The following ANKRD27 variants were observed in gnomAD, a reference collection of about 807,000 sequenced individuals.
The protein encoded by ANKRD27 is ankyrin repeat domain-containing protein 27.
ANKRD27 carries 112 observed loss-of-function variants against 129.7 expected under a neutral mutation model. That is an observed-to-expected ratio of 0.86 (90% CI 0.74 to 1.01). ANKRD27 has a LOEUF of 1.01. Ranked by LOEUF, ANKRD27 falls within the 50% of genes least tolerant of loss-of-function variation. The probability of loss-of-function intolerance (pLI) is 0.00; values close to 1 mark genes in which losing one functional copy is unlikely to be tolerated. For missense variants in ANKRD27, 1,258 were observed against 1,300.5 expected (o/e 0.97, Z 0.50); for synonymous variants, 516 against 511.2 (o/e 1.01, Z -0.13).
At chr19:32,643,992 G>A (rs959493555) in intron 5 of ANKRD27, among the ~76,000 whole-genome samples, 3 of 151,712 alleles carry the variant, frequency 2.0e-5, no homozygotes, top group African/African-American at 7.3e-5. Context: ...CTCCCACCTC[G>A]GCCTCCCAAG....
chr19:32,673,844 G>A (rs769849475), intron 1 of ANKRD27, among the ~76,000 whole-genome samples: 22 of 152,058 alleles, frequency 1.4e-4, no homozygotes, highest in Non-Finnish European at 2.8e-4. Context: ...GGCTGATCTC[G>A]AAACGTAACA....
At chr19:32,616,141 G>A (rs913464654) in intron 21 of ANKRD27, among the ~76,000 whole-genome samples, 15 of 152,106 alleles carry the variant, frequency 9.9e-5, no homozygotes, top group African/African-American at 3.6e-4. Flanking sequence ...CAAGGCTACT[G>A]TGAGCCATGA....
At chr19:32,625,232 G>C (rs12610727) in intron 17 of ANKRD27, among the ~76,000 whole-genome samples, 84,500 of 151,836 alleles carry the variant, frequency 0.56, 24,147 homozygotes, top group Non-Finnish European at 0.64. Context: ...CTCCAGCCTA[G>C]GTGCCAGAGT....
At chr19:32,616,913 C>T (rs368221541) in intron 21 of ANKRD27, among the ~76,000 whole-genome samples, 3 of 152,134 alleles carry the variant, frequency 2.0e-5, no homozygotes, top group Admixed American at 6.5e-5. Context: ...AAGACGCTGC[C>T]CTCTCTTAAA....
At chr19:32,656,860 G>A (rs1377222050) in intron 2 of ANKRD27, among the ~76,000 whole-genome samples, 1 of 151,800 alleles carries the variant, frequency 6.6e-6, no homozygotes, top group Non-Finnish European at 1.5e-5. Flanking sequence ...AAAGTATCTT[G>A]TATACAGCAG....
intron 2 of ANKRD27, among the ~76,000 whole-genome samples, chr19:32,653,419 C>T (rs1020817273): frequency 6.6e-6 from 1 of 152,150 alleles, no homozygotes; most frequent in African/African-American, 2.4e-5. Flanking sequence ...TCTCCTGGTG[C>T]ACCTGGGAAA....
At chr19:32,640,569 A>C (rs1047585772) in intron 10 of ANKRD27, among the ~76,000 whole-genome samples, 184 bp from the exon 11 acceptor site, 2 of 152,214 alleles carry the variant, frequency 1.3e-5, no homozygotes, top group African/African-American at 4.8e-5. Context: ...CAGGGGGAAA[A>C]GAATGCCCAG....
chr19:32,673,367 C>A lies in ANKRD27; in HGVS notation c.-31+1704G>T, dbSNP rs1335842814. 3 of 985,190 alleles carry A rather than the reference C, an allele frequency of 3.0e-6. No homozygotes were observed. In the African/African-American group the frequency reaches 5.2e-5, roughly 17 times the overall value. 61.0% of individuals were successfully genotyped at this position (985,190 alleles called of 1,614,324 possible). A position where few individuals can be genotyped will look rare whatever the true frequency, so the allele number is the denominator to read the frequency against. ...CTACGGGCTGTGCCTCCTGGATCTG[C>A]CCCCTGGATTTCACTCACGCCTGTC... On this transcript the variant is annotated intron_variant, in intron 1 of 28. Coordinates refer to ENST00000306065, the MANE Select transcript of ANKRD27 (RefSeq NM_032139.3).
chr19:32,656,018 A>T (rs1349464892), intron 2 of ANKRD27, among the ~76,000 whole-genome samples: 1 of 141,364 alleles, frequency 7.1e-6, no homozygotes, highest in Admixed American at 7.3e-5. Context: ...ACTCTGTTTC[A>T]AAAAAAAAAG....
Position 32,652,089 on chromosome 19 carries a change from G to A in ANKRD27, c.103-2297C>T, listed in dbSNP as rs565210579. On this transcript the variant is annotated intron_variant, in intron 2 of 28. Coordinates refer to ENST00000306065, the MANE Select transcript of ANKRD27 (RefSeq NM_032139.3). Reference sequence around the variant, plus strand: ...ATAGGGGGTAGAGAGCTAGGCCAACGGCCTCCAGGCTATCCCTTAGGGGGC... The same window carrying A: ...ATAGGGGGTAGAGAGCTAGGCCAACAGCCTCCAGGCTATCCCTTAGGGGGC... Among the ~76,000 whole-genome samples, 6 of 152,338 alleles carry A rather than the reference G, an allele frequency of 3.9e-5. No homozygotes were observed. The South Asian group carries it at 6.2e-4, about 16-fold the overall frequency.
intron 2 of ANKRD27, 53 bp from the exon 3 acceptor site, chr19:32,649,845 A>G: frequency 8.2e-7 from 1 of 1,215,874 alleles, no homozygotes; most frequent in Non-Finnish European, 1.2e-6. Context: ...TTACCACCTC[A>G]GCAGAACAAG....
chr19:32,610,957 G>A (rs1971826685), intron 22 of ANKRD27, among the ~76,000 whole-genome samples: 2 of 151,860 alleles, frequency 1.3e-5, no homozygotes, highest in African/African-American at 4.8e-5. Flanking sequence ...CTCCAGCCTG[G>A]GTGACAGAGT....
rs1273420535 is a variant in ANKRD27 at position 32,607,824 on chromosome 19, C to T, written c.2184G>A (p.Ala728=). The T allele has an allele frequency of 5.0e-6, 8 of 1,599,812 alleles. No individual in the cohort carries two copies. Among genetic ancestry groups the T allele is most frequent in the Non-Finnish European group, 6.8e-6 (8 of 1,174,602 alleles). The part of the protein sequence containing the change: ...PKCAPAQKRL[A]KVPASGLGVN... ...CACCAAGCCCACTGGCAGGAACCTT[C>T]GCCAGCCTCTGGGAAGCGCAGAAGA... The change falls in exon 23 of 29, where the codon GCG becomes GCA. Residue 728 remains alanine (A), a synonymous_variant. Coordinates refer to ENST00000306065, the MANE Select transcript of ANKRD27 (RefSeq NM_032139.3).
chr19:32,642,209 T>A (rs1239515036), intron 9 of ANKRD27, 64 bp from the exon 10 acceptor site: 13 of 1,343,952 alleles, frequency 9.7e-6, no homozygotes, highest in South Asian at 5.9e-5. Context: ...GGCCTGGATC[T>A]AAGAACACAT....
intron 12 of ANKRD27, among the ~76,000 whole-genome samples, chr19:32,632,261 C>G (rs1967007710): frequency 6.6e-6 from 1 of 151,694 alleles, no homozygotes. Context: ...TGCACTCTAG[C>G]CTGGGTGAGA....
At chr19:32,662,601 G>C (rs1277364066) in intron 1 of ANKRD27, among the ~76,000 whole-genome samples, 1 of 152,084 alleles carries the variant, frequency 6.6e-6, no homozygotes. Context: ...AATTATCCAG[G>C]TGTGCTGGCA....
At chr19:32,611,993 C>T (rs1260568102) in intron 22 of ANKRD27, among the ~76,000 whole-genome samples, 1 of 152,234 alleles carries the variant, frequency 6.6e-6, no homozygotes, top group Non-Finnish European at 1.5e-5. Flanking sequence ...CTAACCTCGG[C>T]CTCCCAAAGT....
rs868743488 is a variant in ANKRD27, at chr19:32,663,867, T to C, written c.-30-4822A>G. On this transcript the variant is annotated intron_variant, in intron 1 of 28. Coordinates refer to ENST00000306065, the MANE Select transcript of ANKRD27 (RefSeq NM_032139.3). Reference sequence around the variant, plus strand: ...GTCAGGAGATCGAGACCATCCCGGCTAAAACGGTGAAACCCCGTCTCTACT... The same window carrying C: ...GTCAGGAGATCGAGACCATCCCGGCCAAAACGGTGAAACCCCGTCTCTACT... Among the ~76,000 whole-genome samples, 320 of 151,562 alleles carry C rather than the reference T, an allele frequency of 2.1e-3. 2 individuals carry two copies. Among genetic ancestry groups the C allele is most frequent in the Middle Eastern group, 0.014 (4 of 292 alleles).
At chr19:32,630,136 C>T (rs1170916337) in intron 13 of ANKRD27, among the ~76,000 whole-genome samples, 1 of 152,022 alleles carries the variant, frequency 6.6e-6, no homozygotes. Context: ...CTCTTTTATT[C>T]TAATAGAGCA....
Sources: gnomAD v4.1 joint callset for allele counts (sites outside exome capture counted in the v4.1 genomes callset) on GRCh38, gnomAD v4.1.1 for gene constraint, MANE v1.5 for transcripts, NCBI Gene and HGNC (gene_info 2026-07-23, HGNC 2026-07-21) for gene names.